Variants in SNX4 observed in about 807,000 individuals in gnomAD.
SNX4 encodes sorting nexin 4.
In SNX4, 49 loss-of-function variants were observed where a neutral mutation model predicts 70.8. The ratio of observed to expected loss-of-function variants is 0.69; its 90% CI spans 0.55 to 0.88. The LOEUF (loss-of-function observed/expected upper bound fraction) is 0.88, where lower values mean the gene tolerates loss of function less well. Among genes scored for constraint, SNX4 ranks in the 40% least tolerant of loss-of-function variants. The pLI is 0.00. For synonymous variants in SNX4, 206 were observed against 183.8 expected (o/e 1.12, Z -0.98); for missense variants, 528 against 544.8 (o/e 0.97, Z 0.31).
intron 10 of SNX4, 44 bp from the exon 11 acceptor site, chr3:125,457,409 A>G (rs749447557): frequency 7.0e-7 from 1 of 1,427,888 alleles, no homozygotes; most frequent in Non-Finnish European, 9.9e-7. Context: ...TTCCTTTAAC[A>G]TGTCAAACAT....
chr3:125,448,669 CTTTTTTTTTTTTTTT>C (rs921502028), intron 13 of SNX4, among the ~76,000 whole-genome samples: 1 of 95,374 alleles, frequency 1.0e-5, no homozygotes, highest in South Asian at 3.6e-4. Context: ...GGGTTTTTTC[CTTTTTTTTTTTTTTT>C]TTTTTTTTTG....
chr3:125,493,716 A>C (rs1428545708), intron 5 of SNX4, among the ~76,000 whole-genome samples: 1 of 151,358 alleles, frequency 6.6e-6, no homozygotes, highest in Non-Finnish European at 1.5e-5. Flanking sequence ...TGGGTGTAAT[A>C]ATCACTCTCA....
In SNX4 at chr3:125,467,994, T is replaced by TCAACCTTCCTAAATAGGAA. The variant is rs568539462; in HGVS notation, c.854+1459_854+1460insTTCCTATTTAGGAAGGTTG. Among the ~76,000 whole-genome samples the TCAACCTTCCTAAATAGGAA allele has an allele frequency of 1.9e-4, 29 of 152,244 alleles. No individual in the cohort carries two copies. The South Asian group carries it at 4.4e-3, about 23-fold the overall frequency. The stretch of plus-strand genomic sequence containing the variant: ...AGCGAAGACATGGAATCAACCTAAA[T>TCAACCTTCCTAAATAGGAA]GCCATGAACGGTGGACTGGATAAAG... On this transcript the variant is annotated intron_variant, in intron 9 of 13. Transcript: ENST00000251775.
At chr3:125,517,693 A>G (rs1049205141) in intron 1 of SNX4, among the ~76,000 whole-genome samples, 2 of 152,252 alleles carry the variant, frequency 1.3e-5, no homozygotes, top group African/African-American at 4.8e-5. Context: ...GAAACCACAT[A>G]GGCCGAGGGC....
At chr3:125,512,554 C>T (rs976823372) in intron 1 of SNX4, among the ~76,000 whole-genome samples, 2 of 152,054 alleles carry the variant, frequency 1.3e-5, no homozygotes, top group African/African-American at 2.4e-5. Flanking sequence ...CAACTGAACA[C>T]CATAATTGTT....
At chr3:125,460,125 T>C (rs927843358) in intron 10 of SNX4, among the ~76,000 whole-genome samples, 1 of 142,424 alleles carries the variant, frequency 7.0e-6, no homozygotes, top group Admixed American at 7.6e-5. Context: ...ACCCGGGACG[T>C]GGAGGTTGCA....
chr3:125,490,237 A>G, intron 5 of SNX4, among the ~76,000 whole-genome samples: 1 of 152,044 alleles, frequency 6.6e-6, no homozygotes, highest in Non-Finnish European at 1.5e-5. Context: ...GAAAGAATAT[A>G]GAAACACATG....
chr3:125,475,770 A>T (rs1934277150), intron 8 of SNX4, among the ~76,000 whole-genome samples: 1 of 152,218 alleles, frequency 6.6e-6, no homozygotes, highest in Non-Finnish European at 1.5e-5. Flanking sequence ...TGAGCTCAGG[A>T]GGTCAAGATC....
intron 6 of SNX4, among the ~76,000 whole-genome samples, chr3:125,489,060 A>G (rs1012421239): frequency 2.6e-5 from 4 of 152,202 alleles, no homozygotes; most frequent in African/African-American, 7.2e-5. Flanking sequence ...GTATATGTAA[A>G]AAGTATATAA....
chr3:125,456,221 T>C (rs1933711086), intron 11 of SNX4, among the ~76,000 whole-genome samples: 1 of 152,180 alleles, frequency 6.6e-6, no homozygotes, highest in South Asian at 2.1e-4. Context: ...CATTAAAGAA[T>C]AAAGTACATC....
chr3:125,460,430 TA>T (rs1344829167), intron 10 of SNX4, among the ~76,000 whole-genome samples: 1 of 152,100 alleles, frequency 6.6e-6, no homozygotes, highest in Admixed American at 6.6e-5. Flanking sequence ...ACACACAGAA[TA>T]AAAATAGCAA....
intron 8 of SNX4, among the ~76,000 whole-genome samples, 168 bp downstream of exon 8, chr3:125,476,527 C>T (rs762395310): frequency 6.6e-6 from 1 of 152,102 alleles, no homozygotes; most frequent in Non-Finnish European, 1.5e-5. Context: ...GCCGAGATCA[C>T]ATCATTGCAT....
chr3:125,459,583 C>A (rs1933822640), intron 10 of SNX4, among the ~76,000 whole-genome samples: 1 of 152,020 alleles, frequency 6.6e-6, no homozygotes, highest in Admixed American at 6.6e-5. Flanking sequence ...ATTACAGGCA[C>A]CCACCACTAT....
At chr3:125,448,900 A>C (rs903618789) in intron 13 of SNX4, among the ~76,000 whole-genome samples, 2 of 151,204 alleles carry the variant, frequency 1.3e-5, no homozygotes, top group African/African-American at 4.9e-5. Context: ...GATGGTGTCG[A>C]TCTCCTGACC....
chr3:125,476,482 A>T (rs1206182890), intron 8 of SNX4, among the ~76,000 whole-genome samples: 2 of 151,978 alleles, frequency 1.3e-5, no homozygotes, highest in Non-Finnish European at 2.9e-5. Flanking sequence ...GAGGCAGGAG[A>T]ATCACTTGAG....
chr3:125,497,981 T>C lies in SNX4; in HGVS notation c.402A>G (p.Ala134=). 6.2e-7 allele frequency: 1 copy of C among 1,614,148 alleles called. No individual in the cohort carries two copies. The highest frequency in any genetic ancestry group is 1.7e-5 in the Admixed American group (1 of 60,002). Residue 134 remains alanine, a splice_region_variant and synonymous_variant, in exon 4 of 14, where the codon GCA becomes GCG. Transcript: ENST00000251775. ...CAGAGAGTTTATGCCAAACAAATTC[T>C]GCCTAGGTAAACAAAATAATCATTA... ...IVVPPLPEKR[A]EFVWHKLSAD...
intron 10 of SNX4, among the ~76,000 whole-genome samples, chr3:125,460,198 CAAAAAAA>C (rs57601494): frequency 1.5e-5 from 1 of 64,692 alleles, no homozygotes; most frequent in Non-Finnish European, 3.7e-5. Context: ...TAGTCTGTCT[CAAAAAAA>C]AAAAAAAAAA....
At chr3:125,464,158 C>A (rs1257524784) in intron 9 of SNX4, among the ~76,000 whole-genome samples, 2 of 152,144 alleles carry the variant, frequency 1.3e-5, no homozygotes, top group Admixed American at 6.5e-5. Context: ...GTTGCATAAT[C>A]ATTACCACCA....
chr3:125,470,517 T>C (rs1934140098), intron 8 of SNX4, among the ~76,000 whole-genome samples: 1 of 150,798 alleles, frequency 6.6e-6, no homozygotes, highest in South Asian at 2.1e-4. Flanking sequence ...AAACACAACA[T>C]TTTGTGTACA....
Sources: allele counts gnomAD v4.1 joint callset (sites outside exome capture counted in the v4.1 genomes callset), GRCh38; gene constraint gnomAD v4.1.1; transcripts MANE v1.5; gene names NCBI Gene and HGNC (gene_info 2026-07-23, HGNC 2026-07-21).